KDM4B: variants seen among roughly 807,000 people sequenced by gnomAD.
KDM4B encodes the protein lysine-specific demethylase 4B.
KDM4B carries 32 observed loss-of-function variants against 125.2 expected under a neutral mutation model. The observed-to-expected ratio is 0.26, with a 90% confidence interval of 0.19 to 0.34. The LOEUF is 0.34. Ranked by LOEUF, KDM4B falls within the 10% of genes least tolerant of loss-of-function variation. The pLI is 1.00. For missense variants in KDM4B, 1,190 were observed against 1,577.7 expected (o/e 0.75, Z 4.16); for synonymous variants, 721 against 677.9 (o/e 1.06, Z -0.99).
At chr19:5,001,290 C>G (rs1479415256) in intron 1 of KDM4B, among the ~76,000 whole-genome samples, 1 of 152,096 alleles carries the variant, frequency 6.6e-6, no homozygotes, top group African/African-American at 2.4e-5. Context: ...TCCCAAAGTG[C>G]TGGAATTACA....
At chr19:5,027,597 A>G (rs1372171562) in intron 2 of KDM4B, among the ~76,000 whole-genome samples, 8 of 147,462 alleles carry the variant, frequency 5.4e-5, no homozygotes, top group Non-Finnish European at 8.9e-5. Context: ...CTGGAGTGCA[A>G]TGGCGCAATC....
At chr19:5,138,167 C>A in intron 18 of KDM4B, 97 bp downstream of exon 18, 2 of 901,794 alleles carry the variant, frequency 2.2e-6, no homozygotes, top group Non-Finnish European at 3.4e-6. Flanking sequence ...GTCTTTCCTC[C>A]AAGCTCTGCG....
At chr19:5,151,187 C>A in intron 22 of KDM4B, 148 bp from the exon 23 acceptor site, 1 of 686,376 alleles carries the variant, frequency 1.5e-6, no homozygotes, top group Non-Finnish European at 2.1e-6. Context: ...CAGGGGTTTA[C>A]AAACACGAAA....
chr19:5,137,132 G>T, intron 15 of KDM4B, 130 bp from the exon 16 acceptor site: 1 of 652,538 alleles, frequency 1.5e-6, no homozygotes, highest in Non-Finnish European at 2.8e-6. Context: ...CTGCAGCTGC[G>T]TGCGGAGGCC....
At chr19:5,086,450 C>G (rs181067663) in intron 9 of KDM4B, among the ~76,000 whole-genome samples, 1 of 152,338 alleles carries the variant, frequency 6.6e-6, no homozygotes, top group East Asian at 1.9e-4. Context: ...AAACTGAAAT[C>G]TCACCCACAA....
At chr19:5,049,628 C>A (rs991147635) in intron 6 of KDM4B, among the ~76,000 whole-genome samples, 1 of 152,086 alleles carries the variant, frequency 6.6e-6, no homozygotes, top group African/African-American at 2.4e-5. Context: ...ACGCAGGGCC[C>A]CTTCCCTGCT....
intron 6 of KDM4B, among the ~76,000 whole-genome samples, chr19:5,056,898 C>T (rs918977070): frequency 3.5e-5 from 2 of 56,548 alleles, no homozygotes; most frequent in Admixed American, 3.5e-4. Context: ...GCGGGGAGTC[C>T]TGGGGCGGGG....
chr19:5,146,783 T>C (rs955724533), intron 21 of KDM4B, among the ~76,000 whole-genome samples: 1 of 80,994 alleles, frequency 1.2e-5, no homozygotes, highest in Non-Finnish European at 2.3e-5. Flanking sequence ...CTACAAAAAA[T>C]TTTAAAAATT....
At chr19:5,059,755 T>C (rs1370166296) in intron 6 of KDM4B, among the ~76,000 whole-genome samples, 1 of 150,610 alleles carries the variant, frequency 6.6e-6, no homozygotes, top group African/African-American at 2.4e-5. Flanking sequence ...GCTGTGTGTC[T>C]GTGGGTGCCG....
At chr19:4,982,880 G>A (rs1205007487) in intron 1 of KDM4B, among the ~76,000 whole-genome samples, 1 of 152,120 alleles carries the variant, frequency 6.6e-6, no homozygotes, top group Non-Finnish European at 1.5e-5. Flanking sequence ...GAAAATGCTG[G>A]GATGACAGGT....
At chr19:5,041,784 A>G (rs2036826519) in intron 5 of KDM4B, among the ~76,000 whole-genome samples, 1 of 152,230 alleles carries the variant, frequency 6.6e-6, no homozygotes, top group Non-Finnish European at 1.5e-5. Context: ...CTCAGGCATA[A>G]GGTCCCCCAG....
intron 1 of KDM4B, among the ~76,000 whole-genome samples, chr19:4,986,961 ATT>A (rs935730351): frequency 6.8e-6 from 1 of 146,666 alleles, no homozygotes. Context: ...ATTTTATTTT[ATT>A]TTTTTTTTTG....
intron 1 of KDM4B, among the ~76,000 whole-genome samples, chr19:4,978,813 C>G (rs993920361): frequency 6.6e-6 from 1 of 152,224 alleles, no homozygotes; most frequent in Admixed American, 6.5e-5. Context: ...GGAGCTCGGG[C>G]AGCATGGCTG....
intron 1 of KDM4B, among the ~76,000 whole-genome samples, chr19:4,998,332 T>C (rs569171549): frequency 1.8e-3 from 268 of 152,324 alleles, no homozygotes; most frequent in African/African-American, 6.2e-3. Context: ...ACTTCCCTTT[T>C]TTGTTGTTTT....
intron 9 of KDM4B, among the ~76,000 whole-genome samples, chr19:5,093,632 C>G (rs2038757418): frequency 6.6e-6 from 1 of 152,262 alleles, no homozygotes; most frequent in Non-Finnish European, 1.5e-5. Flanking sequence ...GCCTCTGCCC[C>G]TTCCTCGGTG....
At chr19:5,051,615 G>A (rs1027483645) in intron 6 of KDM4B, among the ~76,000 whole-genome samples, 2 of 152,236 alleles carry the variant, frequency 1.3e-5, no homozygotes, top group South Asian at 2.1e-4. Flanking sequence ...GAGGAGTGCC[G>A]CGGGGCCAGC....
intron 6 of KDM4B, among the ~76,000 whole-genome samples, chr19:5,050,858 C>T (rs1291275619): frequency 1.3e-5 from 2 of 152,184 alleles, no homozygotes; most frequent in East Asian, 1.9e-4. Context: ...GGAGATCACA[C>T]CCCTGCACTC....
intron 21 of KDM4B, among the ~76,000 whole-genome samples, chr19:5,145,258 A>AT (rs2039822202): frequency 6.7e-6 from 1 of 149,934 alleles, no homozygotes; most frequent in South Asian, 2.1e-4. Context: ...GTTTCTTCTC[A>AT]TGACTGTGGA....
chr19:5,127,214 C>G (rs1051622038), intron 11 of KDM4B, among the ~76,000 whole-genome samples: 1 of 152,176 alleles, frequency 6.6e-6, no homozygotes, highest in Non-Finnish European at 1.5e-5. Flanking sequence ...GCCCCTCACC[C>G]GCTTCCCTCC....
Sources: gnomAD v4.1 joint callset for allele counts (sites outside exome capture counted in the v4.1 genomes callset) on GRCh38, gnomAD v4.1.1 for gene constraint, MANE v1.5 for transcripts, NCBI Gene and HGNC (gene_info 2026-07-23, HGNC 2026-07-21) for gene names.